HPF1: variants seen among roughly 807,000 people sequenced by gnomAD.
HPF1 encodes the protein histone PARylation factor 1.
HPF1 carries 35 observed loss-of-function variants against 38.8 expected under a neutral mutation model. The ratio of observed to expected loss-of-function variants is 0.90; its 90% confidence interval spans 0.69 to 1.19. The LOEUF (loss-of-function observed/expected upper bound fraction) is 1.19. Among genes scored for constraint, HPF1 ranks in the 50% most tolerant of loss-of-function variants. HPF1 has a pLI of 0.00. For missense variants in HPF1, 367 were observed against 405.8 expected (o/e 0.90, Z 0.82); for synonymous variants, 115 against 139.2 (o/e 0.83, Z 1.22).
At chr4:169,731,401 CT>C (rs1733826036) in intron 7 of HPF1, among the ~76,000 whole-genome samples, 1 of 152,170 alleles carries the variant, frequency 6.6e-6, no homozygotes, top group Admixed American at 6.5e-5. Flanking sequence ...AGGCATGTCC[CT>C]ATAATGTGTC....
At chr4:169,754,125 G>A (rs1252713368) in intron 1 of HPF1, among the ~76,000 whole-genome samples, 1 of 152,194 alleles carries the variant, frequency 6.6e-6, no homozygotes, top group African/African-American at 2.4e-5. Flanking sequence ...AGAGCAGGAA[G>A]AGAGGAATAA....
chr4:169,734,473 T>A (rs1581312872), intron 6 of HPF1, among the ~76,000 whole-genome samples: 1 of 152,172 alleles, frequency 6.6e-6, no homozygotes, highest in East Asian at 1.9e-4. Context: ...AAGCAACTTA[T>A]GCGAATTACT....
chr4:169,734,728 A>C (rs527396354), intron 6 of HPF1, among the ~76,000 whole-genome samples: 80 of 152,312 alleles, frequency 5.3e-4, no homozygotes, highest in Non-Finnish European at 9.9e-4. Context: ...TATCCCTGCC[A>C]CTACTATCAA....
intron 6 of HPF1, among the ~76,000 whole-genome samples, chr4:169,736,667 T>C (rs1475243925): frequency 6.6e-6 from 1 of 152,146 alleles, no homozygotes; most frequent in Non-Finnish European, 1.5e-5. Flanking sequence ...CCAAGGCTAG[T>C]TAGTTCTGTT....
At chr4:169,739,671 A>G (rs1264275908) in intron 5 of HPF1, among the ~76,000 whole-genome samples, 1 of 152,202 alleles carries the variant, frequency 6.6e-6, no homozygotes, top group Non-Finnish European at 1.5e-5. Flanking sequence ...CCAGATAAGT[A>G]TGAGAATAAA....
At chr4:169,752,754 T>C (rs190758010) in intron 2 of HPF1, among the ~76,000 whole-genome samples, 1 of 152,332 alleles carries the variant, frequency 6.6e-6, no homozygotes, top group East Asian at 1.9e-4. Flanking sequence ...TTCCCATTTT[T>C]TCTTTAAGTA....
At position 169,731,839 on chromosome 4, in the gene HPF1, A is replaced by G. The variant is rs745306438; in HGVS notation, c.774T>C (p.Ala258=). The G allele has an allele frequency of 6.2e-7, 1 of 1,613,678 alleles. No homozygotes were observed. The highest frequency in any genetic ancestry group is 1.1e-5 in the South Asian group (1 of 91,026). The change falls in exon 7 of 8, where the codon GCT becomes GCC. Residue 258 remains alanine (A), a synonymous_variant. Transcript: ENST00000393381. ...LKRICKTIVE[A]ASDEERLKAF... ...CTTTTAGTCTCTCCTCATCACTTGCAGCCTCAACTATTGTCTTGCAAATTC... is the reference window on the plus strand; with the variant it reads ...CTTTTAGTCTCTCCTCATCACTTGCGGCCTCAACTATTGTCTTGCAAATTC...
At chr4:169,753,920 C>T in intron 1 of HPF1, 85 bp from the exon 2 acceptor site, 1 of 1,052,212 alleles carries the variant, frequency 9.5e-7, no homozygotes, top group Non-Finnish European at 1.4e-6. Context: ...GTTCACCCAA[C>T]TCTATGAAAT....
At chr4:169,756,423 C>T (rs901529684) in intron 1 of HPF1, among the ~76,000 whole-genome samples, 1 of 152,236 alleles carries the variant, frequency 6.6e-6, no homozygotes, top group African/African-American at 2.4e-5. Context: ...GTTTTCATAA[C>T]TGTCTTTGTT....
At chr4:169,746,217 G>C (rs1210117260) in intron 4 of HPF1, among the ~76,000 whole-genome samples, 1 of 152,020 alleles carries the variant, frequency 6.6e-6, no homozygotes, top group African/African-American at 2.4e-5. Context: ...CTTCCCTATT[G>C]CTGGATATGT....
chr4:169,741,007 TA>T (rs1733962053), intron 5 of HPF1, among the ~76,000 whole-genome samples: 1 of 152,220 alleles, frequency 6.6e-6, no homozygotes. Flanking sequence ...ACCAGAAAGG[TA>T]AATGGCAATA....
chr4:169,755,412 G>T lies in HPF1; in HGVS notation c.49-1577C>A, dbSNP rs112066101. 5.2e-4 allele frequency among the ~76,000 whole-genome samples: 79 copies of T among 152,182 alleles called. 1 individual carries two copies. The highest frequency in any genetic ancestry group is 1.6e-3 in the African/African-American group (65 of 41,526). Reference sequence around the variant, plus strand: ...CACTTATAGAGAGGGCCAACTTTTCGTATACTCGGGTTCCACAGGACCAAC... The same window carrying T: ...CACTTATAGAGAGGGCCAACTTTTCTTATACTCGGGTTCCACAGGACCAAC... On this transcript the variant is annotated intron_variant, in intron 1 of 7. Coordinates refer to ENST00000393381, the MANE Select transcript of HPF1 (RefSeq NM_017867.3).
chr4:169,746,342 C>T (rs1734046622), intron 4 of HPF1, among the ~76,000 whole-genome samples: 1 of 152,104 alleles, frequency 6.6e-6, no homozygotes, highest in Non-Finnish European at 1.5e-5. Context: ...TAAATGTGTA[C>T]TTCACATAGT....
chr4:169,729,525 C>CA lies in HPF1; in HGVS notation c.*52dup. The CA allele has an allele frequency of 7.6e-7, 1 of 1,314,102 alleles. No individual in the cohort carries two copies. The highest frequency in any genetic ancestry group is 2.8e-5 in the East Asian group (1 of 35,712). 81.4% of individuals were successfully genotyped at this position (1,314,102 alleles called of 1,614,324 possible). ...TTCCTTAAAAACAAAACAAAAATCA[C>CA]AAGTTTAATACTAGTCCTTTGAAAT... On this transcript the variant is annotated 3_prime_UTR_variant, in exon 8 of 8. Transcript: ENST00000393381.
intron 6 of HPF1, among the ~76,000 whole-genome samples, chr4:169,732,770 C>T (rs1180507961): frequency 6.6e-6 from 1 of 151,984 alleles, no homozygotes; most frequent in Non-Finnish European, 1.5e-5. Flanking sequence ...GATTGAAATA[C>T]TCAGGAAAAA....
chr4:169,742,659 G>T (rs1733989048), intron 4 of HPF1, among the ~76,000 whole-genome samples: 1 of 152,168 alleles, frequency 6.6e-6, no homozygotes, highest in Non-Finnish European at 1.5e-5. Flanking sequence ...GGGCGTGATG[G>T]CGGGCGCCTG....
intron 6 of HPF1, among the ~76,000 whole-genome samples, chr4:169,733,834 G>A (rs1255285168): frequency 6.6e-6 from 1 of 150,928 alleles, no homozygotes; most frequent in Admixed American, 6.6e-5. Context: ...GGTGCAGGCT[G>A]CAGTGAGCCG....
chr4:169,743,879 GA>G (rs757305554), intron 4 of HPF1, among the ~76,000 whole-genome samples: 31 of 146,224 alleles, frequency 2.1e-4, no homozygotes, highest in African/African-American at 4.5e-4. Context: ...TACTTATCAG[GA>G]AAAAAAAAAG....
At chr4:169,731,161 A>AAGACCATAGT (rs1271471715) in intron 7 of HPF1, among the ~76,000 whole-genome samples, 3 of 152,238 alleles carry the variant, frequency 2.0e-5, no homozygotes, top group African/African-American at 7.2e-5. Context: ...TCAGGCAACT[A>AAGACCATAGT]TGGTCGAGTA....
Sources: allele counts gnomAD v4.1 joint callset (sites outside exome capture counted in the v4.1 genomes callset), GRCh38; gene constraint gnomAD v4.1.1; transcripts MANE v1.5; gene names NCBI Gene and HGNC (gene_info 2026-07-23, HGNC 2026-07-21).